The following LINGO1 variants were observed in gnomAD, a reference collection of about 807,000 sequenced individuals.
LINGO1 encodes leucine-rich repeat and immunoglobulin-like domain-containing nogo receptor-interacting protein 1.
In LINGO1, 11 loss-of-function variants were observed where a neutral mutation model predicts 37.3. The ratio of observed to expected loss-of-function variants is 0.29; its 90% CI spans 0.19 to 0.49. The LOEUF is 0.49. Ranked by LOEUF, LINGO1 falls within the 20% of genes least tolerant of loss-of-function variation. The pLI is 0.99. For missense variants in LINGO1, 585 were observed against 878.2 expected (o/e 0.67, Z 4.22); for synonymous variants, 387 against 403.0 (o/e 0.96, Z 0.48).
intron 2 of LINGO1, chr15:77,707,411 A>G (rs2075866050): frequency 6.6e-6 from 1 of 152,268 alleles, no homozygotes; most frequent in Admixed American, 6.5e-5. Flanking sequence ...CTTGAAGCAC[A>G]AATGATCCCA....
chr15:77,700,115 G>A (rs1256438708), upstream of LINGO1, among the ~76,000 whole-genome samples: 1 of 152,132 alleles, frequency 6.6e-6, no homozygotes, highest in African/African-American at 2.4e-5. Flanking sequence ...TGAGGGCAGG[G>A]CACTCCCAGG....
At chr15:77,639,443 G>T (rs2074456178) in intron 3 of LINGO1, among the ~76,000 whole-genome samples, 1 of 151,958 alleles carries the variant, frequency 6.6e-6, no homozygotes, top group Non-Finnish European at 1.5e-5. Context: ...GCAACTTGGT[G>T]GTTATCCAGT....
At chr15:77,811,859 T>C (rs527409362) in intron 1 of LINGO1, among the ~76,000 whole-genome samples, 3 of 152,252 alleles carry the variant, frequency 2.0e-5, no homozygotes, top group Non-Finnish European at 4.4e-5. Context: ...ATGTCAACAA[T>C]TGTTAAATCT....
At chr15:77,718,130 T>G (rs1018188824) in intron 2 of LINGO1, among the ~76,000 whole-genome samples, 30 of 150,902 alleles carry the variant, frequency 2.0e-4, no homozygotes, top group African/African-American at 6.7e-4. Context: ...CTCACATCAC[T>G]GACTCGCTAC....
intron 1 of LINGO1, among the ~76,000 whole-genome samples, chr15:77,811,176 C>T (rs2077002904): frequency 6.6e-6 from 1 of 151,272 alleles, no homozygotes; most frequent in South Asian, 2.1e-4. Flanking sequence ...CCGGTGGGGG[C>T]AGCCCAGCTG....
intron 2 of LINGO1, among the ~76,000 whole-genome samples, chr15:77,712,647 C>T (rs2075932830): frequency 3.9e-5 from 6 of 152,352 alleles, no homozygotes; most frequent in Middle Eastern, 6.8e-3. Flanking sequence ...CCCACCTCCA[C>T]TCTCCTCCTG....
chr15:77,630,559 C>G (rs552165734), intron 1 of LINGO1, among the ~76,000 whole-genome samples: 1 of 152,108 alleles, frequency 6.6e-6, no homozygotes, highest in African/African-American at 2.4e-5. Flanking sequence ...AGAGGACTAT[C>G]GCAAGGGGTA....
At chr15:77,676,485 G>A (rs377527918) in intron 3 of LINGO1, among the ~76,000 whole-genome samples, 34 of 152,326 alleles carry the variant, frequency 2.2e-4, no homozygotes, top group African/African-American at 7.7e-4. Context: ...GGGGGATTTG[G>A]CACCAGGCCG....
chr15:77,661,426 C>G (rs1281767424), intron 3 of LINGO1, among the ~76,000 whole-genome samples: 1 of 152,234 alleles, frequency 6.6e-6, no homozygotes, highest in Non-Finnish European at 1.5e-5. Flanking sequence ...CAAGCAGAGC[C>G]TCCTCGCTGA....
intron 1 of LINGO1, among the ~76,000 whole-genome samples, chr15:77,815,018 T>C (rs1365641725): frequency 6.6e-6 from 1 of 152,250 alleles, no homozygotes; most frequent in African/African-American, 2.4e-5. Context: ...CCCTGGCAGA[T>C]GGGTGCTGGA....
At chr15:77,727,482 G>A (rs928384156) in intron 2 of LINGO1, among the ~76,000 whole-genome samples, 1 of 152,208 alleles carries the variant, frequency 6.6e-6, no homozygotes, top group Non-Finnish European at 1.5e-5. Context: ...TGTGAAATAA[G>A]TCAGTTACAA....
intron 2 of LINGO1, among the ~76,000 whole-genome samples, chr15:77,679,915 C>T (rs2075386532): frequency 6.6e-6 from 1 of 152,224 alleles, no homozygotes; most frequent in Admixed American, 6.5e-5. Context: ...TCTTCTGAAA[C>T]CTGGCTCTGA....
chr15:77,632,941 CGAGGGAGGAGG>C (rs2074310284), upstream of LINGO1, among the ~76,000 whole-genome samples: 3 of 144,206 alleles, frequency 2.1e-5, no homozygotes, highest in African/African-American at 7.8e-5. The surrounding 1 kb of genome is among the most constrained non-coding windows in gnomAD (Gnocchi z 6.0). Flanking sequence ...GAGGAGGGAT[CGAGGGAGGAGG>C]GAGCGAGTGA....
intron 3 of LINGO1, among the ~76,000 whole-genome samples, chr15:77,645,993 C>G (rs1326601369): frequency 6.6e-6 from 1 of 152,232 alleles, no homozygotes; most frequent in African/African-American, 2.4e-5. Context: ...GCAAGCAGGC[C>G]TGGCTTTCTC....
intron 2 of LINGO1, among the ~76,000 whole-genome samples, chr15:77,734,233 C>T (rs1425599283): frequency 1.6e-4 from 25 of 152,206 alleles, no homozygotes; most frequent in Admixed American, 1.6e-3. Context: ...TCTGCTCCCT[C>T]CTGAGCACAT....
intron 1 of LINGO1, among the ~76,000 whole-genome samples, chr15:77,695,052 T>C (rs1192974867): frequency 6.6e-6 from 1 of 152,184 alleles, no homozygotes; most frequent in Non-Finnish European, 1.5e-5. Flanking sequence ...AGGATAGTCT[T>C]GAGGGCCAAG....
chr15:77,753,402 C>T (rs2076389858), intron 1 of LINGO1, among the ~76,000 whole-genome samples: 1 of 152,196 alleles, frequency 6.6e-6, no homozygotes. Context: ...CCTGTGGAGG[C>T]TATGTTCAGC....
At chr15:77,684,945 T>C (rs1329686923) in intron 2 of LINGO1, among the ~76,000 whole-genome samples, 1 of 151,682 alleles carries the variant, frequency 6.6e-6, no homozygotes, top group Non-Finnish European at 1.5e-5. Context: ...GGGCTCTGGG[T>C]TCTGACTGGG....
intron 1 of LINGO1, among the ~76,000 whole-genome samples, chr15:77,815,688 C>T (rs1157444848): frequency 6.6e-6 from 1 of 152,132 alleles, no homozygotes; most frequent in African/African-American, 2.4e-5. Flanking sequence ...GAATCCTGAG[C>T]CCTCGCCGAA....
Sources: allele counts gnomAD v4.1 joint callset (sites outside exome capture counted in the v4.1 genomes callset), GRCh38; gene constraint gnomAD v4.1.1; non-coding constraint Gnocchi (gnomAD v3.1); transcripts MANE v1.5; gene names NCBI Gene and HGNC (gene_info 2026-07-23, HGNC 2026-07-21).